Variants in NBAS observed in about 807,000 individuals in gnomAD.
NBAS encodes the protein NBAS subunit of NRZ tethering complex, also known as NAG/BC035112 fusion.
NBAS carries 219 observed loss-of-function variants against 302.5 expected under a neutral mutation model. The observed-to-expected ratio is 0.72, with a 90% confidence interval of 0.65 to 0.81. NBAS has a LOEUF of 0.81. Among genes scored for constraint, NBAS ranks in the 30% least tolerant of loss-of-function variants. NBAS has a pLI of 0.00. For missense variants in NBAS, 2,932 were observed against 2,841.6 expected (o/e 1.03, Z -0.72); for synonymous variants, 1,118 against 1,021.6 (o/e 1.09, Z -1.80).
chr2:15,314,348 G>C (rs1232725625), intron 38 of NBAS, among the ~76,000 whole-genome samples: 1 of 152,180 alleles, frequency 6.6e-6, no homozygotes, highest in East Asian at 1.9e-4. Context: ...GCAACAGAGA[G>C]AGACTCCATC....
chr2:14,912,223 C>G, the NBAS span, among the ~76,000 whole-genome samples: 3 of 152,018 alleles, frequency 2.0e-5, no homozygotes, highest in Non-Finnish European at 4.4e-5. Context: ...TGTCATTGAC[C>G]AAAACGTTAC....
the NBAS span, among the ~76,000 whole-genome samples, chr2:15,096,365 C>T: frequency 1.3e-5 from 2 of 152,308 alleles, no homozygotes; most frequent in East Asian, 3.9e-4. Flanking sequence ...CAACTGACAT[C>T]AAGACCCAGC....
the NBAS span, among the ~76,000 whole-genome samples, chr2:15,052,307 T>G: frequency 4.6e-5 from 7 of 152,234 alleles, no homozygotes; most frequent in Admixed American, 4.6e-4. Context: ...CTAGTGGTTT[T>G]CAAACTCAGG....
chr2:14,922,468 A>T, the NBAS span, among the ~76,000 whole-genome samples: 1 of 151,908 alleles, frequency 6.6e-6, no homozygotes, highest in African/African-American at 2.4e-5. Context: ...GGAGGTGGTG[A>T]GTTTGGTTCC....
chr2:14,943,264 A>C, the NBAS span, among the ~76,000 whole-genome samples: 4 of 152,274 alleles, frequency 2.6e-5, no homozygotes, highest in African/African-American at 4.8e-5. Flanking sequence ...TCTGCATCAA[A>C]GAACCACTTT....
chr2:15,165,362 C>T (rs1030750414), downstream of NBAS, among the ~76,000 whole-genome samples: 2 of 152,204 alleles, frequency 1.3e-5, no homozygotes, highest in African/African-American at 4.8e-5. Context: ...GTCCTCTTTC[C>T]TGTGAAGTAT....
chr2:15,161,805 G>C, the NBAS span, among the ~76,000 whole-genome samples: 2 of 152,200 alleles, frequency 1.3e-5, no homozygotes, highest in Non-Finnish European at 2.9e-5. Context: ...TAACCCTAAG[G>C]GTCCTGATCT....
At chr2:15,259,319 T>C (rs1668747642) in intron 44 of NBAS, among the ~76,000 whole-genome samples, 1 of 152,260 alleles carries the variant, frequency 6.6e-6, no homozygotes, top group East Asian at 1.9e-4. Context: ...AATGACTCCA[T>C]CCAAACCCCT....
intron 6 of NBAS, 66 bp downstream of exon 6, chr2:15,551,427 T>C: frequency 2.8e-6 from 3 of 1,084,704 alleles, no homozygotes; most frequent in Middle Eastern, 4.6e-4. Flanking sequence ...TTCTAACTTT[T>C]AAGAAACATT....
chr2:15,515,848 C>T (rs1662364244), intron 9 of NBAS, among the ~76,000 whole-genome samples: 1 of 152,074 alleles, frequency 6.6e-6, no homozygotes, highest in Admixed American at 6.6e-5. Context: ...TAAATGTTTG[C>T]TGAGGGGCTG....
At chr2:15,430,680 C>T (rs1677718179) in intron 21 of NBAS, among the ~76,000 whole-genome samples, 3 of 152,310 alleles carry the variant, frequency 2.0e-5, no homozygotes, top group Admixed American at 2.0e-4. Context: ...ACACTTTTAG[C>T]TAGCATACTA....
At chr2:14,949,060 C>T in the NBAS span, among the ~76,000 whole-genome samples, 6 of 152,028 alleles carry the variant, frequency 3.9e-5, no homozygotes, top group African/African-American at 1.4e-4. Context: ...TGAAACTAGA[C>T]CCCTATAACT....
At chr2:14,820,476 T>C in the NBAS span, among the ~76,000 whole-genome samples, 1 of 152,072 alleles carries the variant, frequency 6.6e-6, no homozygotes, top group Non-Finnish European at 1.5e-5. Context: ...ACAATTGAAC[T>C]CATGGTCATA....
chr2:14,779,394 C>T, the NBAS span, among the ~76,000 whole-genome samples: 1 of 152,180 alleles, frequency 6.6e-6, no homozygotes, highest in African/African-American at 2.4e-5. Context: ...CAGTCCTCTG[C>T]ACCGTTTGAG....
intron 9 of NBAS, among the ~76,000 whole-genome samples, chr2:15,527,647 C>T (rs2287278): frequency 6.6e-6 from 1 of 151,364 alleles, no homozygotes; most frequent in Admixed American, 6.6e-5. Context: ...TGTCTTAAAG[C>T]CCTCATGTCT....
chr2:15,092,536 A>G, the NBAS span, among the ~76,000 whole-genome samples: 50 of 151,692 alleles, frequency 3.3e-4, no homozygotes, highest in Non-Finnish European at 6.9e-4. Flanking sequence ...CCCACCCCCA[A>G]CTCCACATTT....
intron 10 of NBAS, among the ~76,000 whole-genome samples, chr2:15,505,693 AAT>A (rs1321642503): frequency 1.3e-5 from 2 of 152,236 alleles, no homozygotes; most frequent in South Asian, 2.1e-4. Flanking sequence ...AGAGATTCAC[AAT>A]AGTTTGCAGA....
At chr2:14,922,423 C>T in the NBAS span, among the ~76,000 whole-genome samples, 15 of 152,330 alleles carry the variant, frequency 9.8e-5, no homozygotes, top group African/African-American at 3.6e-4. Context: ...ACAGACATCT[C>T]TTTCCTCATT....
At chr2:14,781,843 C>G in the NBAS span, among the ~76,000 whole-genome samples, 5 of 151,912 alleles carry the variant, frequency 3.3e-5, no homozygotes, top group Non-Finnish European at 5.9e-5. Flanking sequence ...CTGATAGTAA[C>G]TGAAAGCTTG....
Sources: gnomAD v4.1 joint callset for allele counts (sites outside exome capture counted in the v4.1 genomes callset) on GRCh38, gnomAD v4.1.1 for gene constraint, MANE v1.5 for transcripts, NCBI Gene and HGNC (gene_info 2026-07-23, HGNC 2026-07-21) for gene names.